STON2: variants seen among roughly 807,000 people sequenced by gnomAD.
STON2 encodes stonin-2.
In STON2, 29 loss-of-function variants were observed where a neutral mutation model predicts 65.7. The observed-to-expected ratio is 0.44, with a 90% confidence interval of 0.33 to 0.60. The LOEUF is 0.60. STON2 is among the 20% of genes least tolerant of loss of function. The pLI is 0.03. For missense variants in STON2, 1,054 were observed against 1,118.1 expected, an observed-to-expected ratio of 0.94 and a Z score of 0.82; for synonymous variants, 404 against 414.2, an observed-to-expected ratio of 0.98 and a Z score of 0.30.
At position 81,287,750 on chromosome 14, in the gene STON2, T is replaced by A. The variant is rs559813640; in HGVS notation, c.743-9011A>T. ...TGGTTCTAAACTTCTGCCTCTGTTT[T>A]ACCATTGCCCACTTCCCCATGCTCT... On this transcript the variant is annotated intron_variant, in intron 5 of 7. Transcript: ENST00000614646. 2.0e-5 allele frequency among the ~76,000 whole-genome samples: 3 copies of A among 152,318 alleles called. No homozygotes were observed. The East Asian group carries it at 5.8e-4, about 29-fold the overall frequency.
At chr14:81,382,311 A>G (rs1018985680) in intron 3 of STON2, among the ~76,000 whole-genome samples, 2 of 152,352 alleles carry the variant, frequency 1.3e-5, no homozygotes, top group East Asian at 1.9e-4. Context: ...ATAATGGAAC[A>G]CAGAGTAATA....
chr14:81,320,466 T>C (rs1477892823), intron 5 of STON2, among the ~76,000 whole-genome samples: 1 of 147,298 alleles, frequency 6.8e-6, no homozygotes, highest in East Asian at 2.0e-4. Context: ...TAGCATAACA[T>C]GGGGGAGAAA....
chr14:81,405,442 T>C (rs1456257118), intron 2 of STON2, among the ~76,000 whole-genome samples: 1 of 148,326 alleles, frequency 6.7e-6, no homozygotes, highest in Admixed American at 6.7e-5. Context: ...TCTAGACCAT[T>C]TGGGATTAGT....
At chr14:81,276,126 G>A (rs1595276120) in intron 6 of STON2, among the ~76,000 whole-genome samples, 1 of 152,190 alleles carries the variant, frequency 6.6e-6, no homozygotes, top group Admixed American at 6.5e-5. Flanking sequence ...GTGCTGGTTT[G>A]ACTGCTCCCT....
At chr14:81,347,680 C>G (rs928178122) in intron 4 of STON2, among the ~76,000 whole-genome samples, 2 of 147,232 alleles carry the variant, frequency 1.4e-5, no homozygotes, top group Non-Finnish European at 3.0e-5. Context: ...TGCAAAGATC[C>G]TCAACAAAAA....
intron 5 of STON2, among the ~76,000 whole-genome samples, chr14:81,279,135 A>C (rs181925993): frequency 2.6e-5 from 4 of 152,288 alleles, no homozygotes; most frequent in Admixed American, 1.3e-4. Flanking sequence ...ATATAAGCTC[A>C]TCTCACTGAA....
At chr14:81,283,254 A>G (rs1895195284) in intron 5 of STON2, among the ~76,000 whole-genome samples, 1 of 152,216 alleles carries the variant, frequency 6.6e-6, no homozygotes, top group African/African-American at 2.4e-5. Context: ...TTTCAGTAGT[A>G]GTCAAAGCCA....
At chr14:81,390,761 A>C (rs1004785814) in intron 3 of STON2, among the ~76,000 whole-genome samples, 3 of 152,226 alleles carry the variant, frequency 2.0e-5, no homozygotes, top group African/African-American at 7.2e-5. Context: ...TTGGTATCTC[A>C]AAACAACAGT....
At chr14:81,311,894 T>C (rs555729222) in intron 5 of STON2, among the ~76,000 whole-genome samples, 2 of 152,368 alleles carry the variant, frequency 1.3e-5, no homozygotes, top group Admixed American at 6.5e-5. Context: ...CAATTAATAT[T>C]GCCCAATGAG....
At chr14:81,278,915 A>G in intron 5 of STON2, 176 bp from the exon 6 acceptor site, 1 of 482,468 alleles carries the variant, frequency 2.1e-6, no homozygotes, top group Non-Finnish European at 3.6e-6. Flanking sequence ...TTCTGTAATG[A>G]GCACCCCAGA....
intron 1 of STON2, among the ~76,000 whole-genome samples, chr14:81,434,127 G>A (rs1462833630): frequency 6.6e-6 from 1 of 152,044 alleles, no homozygotes; most frequent in African/African-American, 2.4e-5. Context: ...GTGCCACGGC[G>A]CCTCCATTCA....
At chr14:81,268,833 T>A (rs1197990400) in intron 7 of STON2, 3 of 171,950 alleles carry the variant, frequency 1.7e-5, no homozygotes, top group Non-Finnish European at 3.5e-5. Context: ...ATTTCCACCG[T>A]ATCTTGCACA....
chr14:81,428,880 T>C (rs1027636940), intron 1 of STON2, among the ~76,000 whole-genome samples: 1 of 152,244 alleles, frequency 6.6e-6, no homozygotes, highest in Non-Finnish European at 1.5e-5. Context: ...ACTATCAAGC[T>C]GGCAATGGTC....
At chr14:81,321,126 G>GTCT (rs1896807080) in intron 5 of STON2, among the ~76,000 whole-genome samples, 1 of 152,196 alleles carries the variant, frequency 6.6e-6, no homozygotes, top group Non-Finnish European at 1.5e-5. Flanking sequence ...CATGCAGCGT[G>GTCT]TCTGGGATGT....
chr14:81,324,854 G>T (rs1030300214), intron 4 of STON2, among the ~76,000 whole-genome samples: 1 of 152,236 alleles, frequency 6.6e-6, no homozygotes, highest in South Asian at 2.1e-4. Flanking sequence ...GAGGAAGCAT[G>T]GGTGTTCATA....
At chr14:81,289,533 A>C (rs1193055718) in intron 5 of STON2, among the ~76,000 whole-genome samples, 1 of 152,194 alleles carries the variant, frequency 6.6e-6, no homozygotes, top group Non-Finnish European at 1.5e-5. Flanking sequence ...GGCAGAGGGC[A>C]AGGAGTGGGT....
intron 3 of STON2, among the ~76,000 whole-genome samples, chr14:81,384,911 T>A (rs1289976183): frequency 2.0e-5 from 3 of 152,210 alleles, no homozygotes; most frequent in Non-Finnish European, 4.4e-5. Context: ...ACTCCATTCT[T>A]TTATCTGTGG....
chr14:81,412,114 G>A lies in STON2; in HGVS notation c.-198-13534C>T, dbSNP rs375102461. On this transcript the variant is annotated intron_variant, in intron 2 of 8. Coordinates refer to the STON2 transcript ENST00000553821. ...AGGTTGTAAAGGTCATGAGTTTTTA[G>A]AACTACAAGGTCTTGTGATTCAGAT... Among the ~76,000 whole-genome samples, 4 of 140,186 alleles carry A rather than the reference G, an allele frequency of 2.9e-5. 1 individual carries two copies. Among genetic ancestry groups the A allele is most frequent in the African/African-American group, 1.2e-4 (4 of 34,156 alleles). The allele number at this position is 140,186 out of a possible 152,430, so 92.0% of individuals were successfully genotyped here.
At chr14:81,292,491 C>A (rs1174683067) in intron 5 of STON2, among the ~76,000 whole-genome samples, 1 of 152,068 alleles carries the variant, frequency 6.6e-6, no homozygotes, top group African/African-American at 2.4e-5. Context: ...GGCAAGTTAC[C>A]CCTGTGCTGT....
Sources: allele counts gnomAD v4.1 joint callset (sites outside exome capture counted in the v4.1 genomes callset), GRCh38; gene constraint gnomAD v4.1.1; transcripts MANE v1.5; gene names NCBI Gene and HGNC (gene_info 2026-07-23, HGNC 2026-07-21).